The following GPC3 variants were observed in gnomAD, a reference collection of about 807,000 sequenced individuals.
GPC3 encodes the protein glypican-3.
GPC3 carries 3 observed loss-of-function variants against 34.4 expected under a neutral mutation model. That is an observed-to-expected ratio of 0.09 (90% confidence interval 0.04 to 0.23). The LOEUF is 0.23. Among genes scored for constraint, GPC3 ranks in the 10% least tolerant of loss-of-function variants. The pLI is 1.00. For synonymous variants in GPC3, 177 were observed against 174.0 expected, an observed-to-expected ratio of 1.02 and a Z score of -0.13; for missense variants, 351 against 445.6, an observed-to-expected ratio of 0.79 and a Z score of 1.91.
intron 3 of GPC3, among the ~76,000 whole-genome samples, chrX:133,725,780 A>T (rs1162666194): frequency 8.9e-6 from 1 of 112,029 alleles, no homozygotes; most frequent in Non-Finnish European, 1.9e-5. Flanking sequence ...ACAAAATGAG[A>T]TTCTCACCCT....
chrX:133,573,662 C>T (rs2069651153), intron 7 of GPC3, among the ~76,000 whole-genome samples: 1 of 111,856 alleles, frequency 8.9e-6, no homozygotes, highest in South Asian at 3.7e-4. Context: ...AGTGATTCCA[C>T]TTACAACAGT....
chrX:133,673,027 T>G (rs1480187145), intron 5 of GPC3, among the ~76,000 whole-genome samples: 1 of 107,781 alleles, frequency 9.3e-6, no homozygotes, highest in African/African-American at 3.4e-5. Context: ...CTGCAACCTC[T>G]GCCTCCTGGG....
At chrX:133,954,113 A>G (rs2076405350) in intron 1 of GPC3, among the ~76,000 whole-genome samples, 1 of 112,093 alleles carries the variant, frequency 8.9e-6, no homozygotes, top group African/African-American at 3.2e-5. Context: ...AGTCTAAAAA[A>G]CAGAAACTAA....
intron 6 of GPC3, among the ~76,000 whole-genome samples, chrX:133,643,496 T>C (rs981821388): frequency 8.9e-6 from 1 of 112,076 alleles, no homozygotes; most frequent in Non-Finnish European, 1.9e-5. Context: ...TTTAAAAAAA[T>C]AATTTTTAAA....
At chrX:133,704,143 C>G (rs1286949940) in intron 3 of GPC3, 1 of 673,315 alleles carries the variant, frequency 1.5e-6, no homozygotes, top group Non-Finnish European at 2.1e-6. Flanking sequence ...CCTACCACCC[C>G]ACTTCCACCT....
intron 5 of GPC3, among the ~76,000 whole-genome samples, chrX:133,690,009 A>G (rs2124428616): frequency 9.0e-6 from 1 of 111,528 alleles, no homozygotes; most frequent in East Asian, 2.8e-4. Flanking sequence ...CTGAAAATTA[A>G]AAAAAAATGT....
intron 6 of GPC3, 84 bp from the exon 7 acceptor site, chrX:133,596,683 A>C (rs1208984922): frequency 2.1e-6 from 2 of 942,036 alleles, no homozygotes; most frequent in Admixed American, 4.4e-5. Context: ...GGAGGCATTA[A>C]AAATGTTCAA....
chrX:133,582,447 C>T (rs1292116399), intron 7 of GPC3, among the ~76,000 whole-genome samples: 1 of 111,510 alleles, frequency 9.0e-6, no homozygotes, highest in Non-Finnish European at 1.9e-5. Flanking sequence ...GGCAGAGACA[C>T]ACAGAGCAGG....
chrX:133,761,975 T>C (rs771409977), intron 2 of GPC3, among the ~76,000 whole-genome samples: 1 of 112,275 alleles, frequency 8.9e-6, no homozygotes, highest in Non-Finnish European at 1.9e-5. Context: ...CATTCCCCTT[T>C]GCCTGATAGT....
chrX:133,703,524 A>G (rs769119573), intron 3 of GPC3, among the ~76,000 whole-genome samples: 3 of 106,821 alleles, frequency 2.8e-5, no homozygotes, highest in South Asian at 8.8e-4. Flanking sequence ...GCAGTGGTGC[A>G]ATCTCGGCTC....
chrX:133,640,526 C>T (rs1375119151), intron 6 of GPC3, among the ~76,000 whole-genome samples: 1 of 112,517 alleles, frequency 8.9e-6, no homozygotes, highest in Non-Finnish European at 1.9e-5. Context: ...GCACGCCGCT[C>T]TGGCAGCCTC....
intron 2 of GPC3, among the ~76,000 whole-genome samples, chrX:133,910,030 G>A (rs1450509715): frequency 2.7e-5 from 3 of 111,398 alleles, no homozygotes; most frequent in Non-Finnish European, 5.7e-5. Context: ...GCAAGTGTGG[G>A]AAACATATGG....
At position 133,596,442 on chromosome X, in the gene GPC3, G is replaced by T; in HGVS notation, c.1571C>A (p.Ala524Glu). The T allele has an allele frequency of 8.3e-7, 1 of 1,206,622 alleles. No homozygotes were observed. The change falls in exon 7 of 8, where the codon GCA (alanine) becomes GAA (glutamate). Residue 524 changes from alanine (A) to glutamate (E), a missense_variant and splice_region_variant. Transcript: ENST00000370818. ...TTGGGTCAGCACTAATCAGTTACCTGCAAGGAAGCGGAGCTGATTCTTCAC... is the reference window on the plus strand; with the variant it reads ...TTGGGTCAGCACTAATCAGTTACCTTCAAGGAAGCGGAGCTGATTCTTCAC... ...IKVKNQLRFL[A>E]ELAYDLDVDD...
chrX:133,978,682 A>G (rs926578590), intron 1 of GPC3, among the ~76,000 whole-genome samples: 1 of 112,180 alleles, frequency 8.9e-6, no homozygotes, highest in Non-Finnish European at 1.9e-5. Context: ...GACTTTATGG[A>G]AATTTTATGT....
intron 2 of GPC3, among the ~76,000 whole-genome samples, chrX:133,832,787 TAA>T (rs1480585424): frequency 8.9e-6 from 1 of 112,275 alleles, no homozygotes; most frequent in African/African-American, 3.2e-5. Context: ...TTGCTGGTAT[TAA>T]AATTAATTTC....
At chrX:133,542,032 G>A (rs1474914653) in intron 7 of GPC3, among the ~76,000 whole-genome samples, 2 of 111,861 alleles carry the variant, frequency 1.8e-5, no homozygotes, top group African/African-American at 6.5e-5. Context: ...CCTGCTGCAG[G>A]CTGTAATCAG....
intron 3 of GPC3, among the ~76,000 whole-genome samples, chrX:133,733,894 A>C (rs184430652): frequency 2.1e-3 from 234 of 112,109 alleles, no homozygotes; most frequent in Non-Finnish European, 3.1e-3. Context: ...TTGAGTTAAT[A>C]CTTTTAAAAC....
chrX:133,613,925 A>C (rs1487192336), intron 6 of GPC3, among the ~76,000 whole-genome samples: 1 of 112,633 alleles, frequency 8.9e-6, no homozygotes, highest in Non-Finnish European at 1.9e-5. Context: ...AAAATTATAT[A>C]AAACACCAAA....
chrX:133,855,550 G>A (rs868403852), intron 2 of GPC3, among the ~76,000 whole-genome samples: 143 of 70,250 alleles, frequency 2.0e-3, no homozygotes, highest in Non-Finnish European at 2.9e-3. Context: ...TATATATATA[G>A]TAAAATGGTC....
Sources: gnomAD v4.1 joint callset for allele counts (sites outside exome capture counted in the v4.1 genomes callset) on GRCh38, gnomAD v4.1.1 for gene constraint, MANE v1.5 for transcripts, NCBI Gene and HGNC (gene_info 2026-07-23, HGNC 2026-07-21) for gene names.